Variants in SNX30 observed in about 807,000 individuals in gnomAD.
The protein encoded by SNX30 is sorting nexin-30.
In SNX30, 24 loss-of-function variants were observed where a neutral mutation model predicts 46.4. The observed-to-expected ratio is 0.52, with a 90% CI of 0.37 to 0.73. The LOEUF (loss-of-function observed/expected upper bound fraction) is 0.73, where lower values mean the gene tolerates loss of function less well. SNX30 is among the 30% of genes least tolerant of loss of function. The probability of loss-of-function intolerance (pLI) is 0.00; values close to 1 mark genes in which losing one functional copy is unlikely to be tolerated. For missense variants in SNX30, 533 were observed against 555.7 expected (o/e 0.96, Z 0.41); for synonymous variants, 189 against 211.5 (o/e 0.89, Z 0.92).
At chr9:112,856,528 G>A (rs1245483718) in intron 7 of SNX30, among the ~76,000 whole-genome samples, 1 of 151,958 alleles carries the variant, frequency 6.6e-6, no homozygotes, top group Non-Finnish European at 1.5e-5. Context: ...AGGTGACTGG[G>A]ATGGAAAGGT....
chr9:112,763,587 A>G (rs1443311271), intron 1 of SNX30, among the ~76,000 whole-genome samples: 7 of 151,152 alleles, frequency 4.6e-5, no homozygotes, highest in Admixed American at 4.6e-4. Context: ...GCCGTGGCTC[A>G]TGCCTGTAAT....
chr9:112,851,638 A>T (rs1442947905), intron 7 of SNX30, among the ~76,000 whole-genome samples: 1 of 152,204 alleles, frequency 6.6e-6, no homozygotes, highest in East Asian at 1.9e-4. Context: ...AGGACAAAGG[A>T]ATTGTAATGG....
chr9:112,755,915 G>C (rs1278865510), intron 1 of SNX30, among the ~76,000 whole-genome samples: 2 of 152,092 alleles, frequency 1.3e-5, no homozygotes, highest in African/African-American at 4.8e-5. Flanking sequence ...CTCTGGGCTG[G>C]TGTCTCATTG....
At position 112,818,994 on chromosome 9, in the gene SNX30, A is replaced by G. The variant is rs767420926; in HGVS notation, c.459+1179A>G. On this transcript the variant is annotated intron_variant, in intron 3 of 8. Coordinates refer to ENST00000374232, the MANE Select transcript of SNX30 (RefSeq NM_001012994.2). ...GCCTGAAGAGGAAACAGTAGTTTTT[A>G]AACAGTTGGGAATATTCCTTAAAAT... Among the ~76,000 whole-genome samples the G allele has an allele frequency of 6.4e-4, 98 of 152,346 alleles. No homozygotes were observed. The Middle Eastern group carries it at 0.027, about 42-fold the overall frequency.
intron 6 of SNX30, among the ~76,000 whole-genome samples, chr9:112,849,575 G>A (rs867215441): frequency 5.9e-5 from 9 of 152,300 alleles, no homozygotes; most frequent in South Asian, 4.1e-4. Context: ...GGCAATTGAC[G>A]AAAAATTATT....
At chr9:112,794,599 A>G (rs892116670) in intron 1 of SNX30, among the ~76,000 whole-genome samples, 2 of 152,220 alleles carry the variant, frequency 1.3e-5, no homozygotes, top group Admixed American at 6.5e-5. Context: ...CTGAGACTAG[A>G]TCATTCACTT....
At chr9:112,847,609 A>G (rs970937103) in intron 6 of SNX30, among the ~76,000 whole-genome samples, 1 of 152,200 alleles carries the variant, frequency 6.6e-6, no homozygotes, top group Non-Finnish European at 1.5e-5. Context: ...ATATTAAAAA[A>G]TCCTTCTTTG....
chr9:112,770,779 C>T (rs917065797), intron 1 of SNX30, among the ~76,000 whole-genome samples: 3 of 152,070 alleles, frequency 2.0e-5, no homozygotes, highest in South Asian at 2.1e-4. Context: ...AGGCGGATCA[C>T]GAGGTCAAGA....
At chr9:112,817,401 C>CCTTTTTTTT (rs1840414195) in intron 2 of SNX30, among the ~76,000 whole-genome samples, 1 of 46,836 alleles carries the variant, frequency 2.1e-5, no homozygotes, top group African/African-American at 9.7e-5. Flanking sequence ...AAAAAACTGG[C>CCTTTTTTTT]TTTTTTTTTT....
In SNX30 at chr9:112,819,269, T is replaced by TTC. The variant is rs1554753479; in HGVS notation, c.459+1455_459+1456insCT. On this transcript the variant is annotated intron_variant, in intron 3 of 8. Transcript: ENST00000374232. ...TCCTTTTTATTTTTCTTTCTTTCTT[T>TTC]TTTTTTTTTTTTTTTGAGATGAAGT... is the stretch of plus-strand genomic sequence containing the variant. 1.5e-4 allele frequency among the ~76,000 whole-genome samples: 22 copies of TTC among 143,786 alleles called. No homozygotes were observed. In the East Asian group the frequency reaches 2.4e-3, roughly 16 times the overall value. The allele number at this position is 143,786 out of a possible 152,430, so 94.3% of individuals were successfully genotyped here.
rs543297924 is a variant in SNX30, at chr9:112,776,946, C to T, written c.156+25789C>T. On this transcript the variant is annotated intron_variant, in intron 1 of 8. Transcript: ENST00000374232. ...CCAGTTGCGTTAGCAACTTGGCACT[C>T]CACAGTCCTTTGCTCACCGCCCCCT... 8.5e-5 allele frequency among the ~76,000 whole-genome samples: 13 copies of T among 152,282 alleles called. No individual in the cohort carries two copies. The South Asian group carries it at 2.7e-3, about 32-fold the overall frequency.
intron 7 of SNX30, among the ~76,000 whole-genome samples, chr9:112,855,216 A>AT (rs113485830): frequency 0.039 from 5,880 of 149,446 alleles, 165 homozygotes; most frequent in East Asian, 0.089. Context: ...TGTTGATGAG[A>AT]TTTTTTTTTT....
intron 3 of SNX30, among the ~76,000 whole-genome samples, chr9:112,826,973 C>T (rs563159874): frequency 4.1e-4 from 63 of 152,292 alleles, no homozygotes; most frequent in African/African-American, 1.4e-3. Context: ...GGGTGTCACA[C>T]GTGGACATGT....
chr9:112,795,765 T>TCTCACACACATA (rs34877094), intron 1 of SNX30, among the ~76,000 whole-genome samples: 1 of 123,222 alleles, frequency 8.1e-6, no homozygotes. Flanking sequence ...CACAGTACAG[T>TCTCACACACATA]CACACACACA....
chr9:112,865,661 A>ATATATATATATATATATGTGTGTGTG, intron 8 of SNX30, among the ~76,000 whole-genome samples: 4 of 105,702 alleles, frequency 3.8e-5, no homozygotes, highest in African/African-American at 1.5e-4. Flanking sequence ...ATATATATAT[A>ATATATATATATATATATGTGTGTGTG]TGTATGTATG....
At chr9:112,775,860 G>T (rs1839739294) in intron 1 of SNX30, among the ~76,000 whole-genome samples, 1 of 143,364 alleles carries the variant, frequency 7.0e-6, no homozygotes, top group African/African-American at 2.6e-5. Flanking sequence ...CTTAGTTCTT[G>T]GCGATTGTTC....
chr9:112,843,807 G>T (rs776119937), intron 6 of SNX30, among the ~76,000 whole-genome samples: 15 of 152,116 alleles, frequency 9.9e-5, no homozygotes, highest in Admixed American at 3.3e-4. Context: ...TAAAGACGGG[G>T]TTTCACCATG....
intron 6 of SNX30, among the ~76,000 whole-genome samples, chr9:112,848,822 G>A (rs1840979832): frequency 6.6e-6 from 1 of 152,348 alleles, no homozygotes; most frequent in South Asian, 2.1e-4. Flanking sequence ...TGGGCATGGG[G>A]AGAGGAGATG....
At chr9:112,861,573 C>G (rs957540000) in intron 7 of SNX30, among the ~76,000 whole-genome samples, 2 of 152,184 alleles carry the variant, frequency 1.3e-5, no homozygotes, top group African/African-American at 4.8e-5. Context: ...TTTTTCTATT[C>G]TCCAAGAGTG....
Sources: allele counts gnomAD v4.1 joint callset (sites outside exome capture counted in the v4.1 genomes callset), GRCh38; gene constraint gnomAD v4.1.1; transcripts MANE v1.5; gene names NCBI Gene and HGNC (gene_info 2026-07-23, HGNC 2026-07-21).